PRAMEF20: variants seen among roughly 807,000 people sequenced by gnomAD.
PRAMEF20 encodes PRAME family member 20/21.
PRAMEF20 carries 27 observed loss-of-function variants against 32.4 expected under a neutral mutation model. The ratio of observed to expected loss-of-function variants is 0.83; its 90% CI spans 0.61 to 1.15. The LOEUF is 1.15. Among genes scored for constraint, PRAMEF20 ranks in the 50% most tolerant of loss-of-function variants. The pLI, the probability that PRAMEF20 is intolerant of heterozygous loss-of-function variation, is 0.00. For synonymous variants in PRAMEF20, 256 were observed against 235.4 expected (o/e 1.09, Z -0.80); for missense variants, 604 against 584.5 (o/e 1.03, Z -0.34).
chr1:13,418,839 T>G, intron 2 of PRAMEF20, 139 bp downstream of exon 3: 13 of 1,481,640 alleles, frequency 8.8e-6, no homozygotes, highest in Non-Finnish European at 1.2e-5. Context: ...CTGTTGGAAG[T>G]GGGTATCACA....
intron 1 of PRAMEF20, among the ~76,000 whole-genome samples, chr1:13,417,910 T>A (rs1034520418): frequency 8.1e-6 from 1 of 124,218 alleles, no homozygotes; most frequent in South Asian, 2.8e-4. Context: ...CCCGGCTAAT[T>A]TGTGTGTGTG....
chr1:13,420,711 CGT>C lies in PRAMEF20; in HGVS notation c.882_883del (p.Leu295LysfsTer7). ...TCTCTCCCCAGCTGTCTAAAGACCT[CGT>C]TAAACATCCTCGCAATAACTAACTG... On this transcript the variant is annotated frameshift_variant, in exon 3 of 3. Coordinates refer to ENST00000602960, the Ensembl canonical transcript of PRAMEF20. LOFTEE classifies it high-confidence loss of function. 1.9e-6 allele frequency: 3 copies of C among 1,613,880 alleles called. No individual in the cohort carries two copies. The highest frequency in any genetic ancestry group is 1.7e-6 in the Non-Finnish European group (2 of 1,179,846).
upstream of PRAMEF20, among the ~76,000 whole-genome samples, chr1:13,411,656 T>G (rs993003554): frequency 6.6e-5 from 10 of 152,158 alleles, 1 homozygote; most frequent in Non-Finnish European, 1.0e-4. Flanking sequence ...AGAGGCTTTG[T>G]TTGGGATGCC....
chr1:13,418,829 C>T, intron 2 of PRAMEF20, 129 bp downstream of exon 3: 1 of 1,526,840 alleles, frequency 6.5e-7, no homozygotes. Context: ...GTGCATTTTC[C>T]TGTTGGAAGT....
chr1:13,418,684 C>A (rs1376399414), exon 2 of PRAMEF20: 17 of 1,613,634 alleles, frequency 1.1e-5, no homozygotes, highest in Non-Finnish European at 1.4e-5. Context: ...CGAAGGCCAC[C>A]TGGACCAGAT....
intron 1 of PRAMEF20, among the ~76,000 whole-genome samples, 168 bp from the exon 3 acceptor site, chr1:13,417,954 T>TGTGTGTGTGTGTGTGTG (rs1641199873): frequency 1.8e-5 from 1 of 55,718 alleles, no homozygotes; most frequent in South Asian, 4.8e-4. Flanking sequence ...GTGTGTGTGT[T>TGTGTGTGTGTGTGTGTG]TAGTAGAGAC....
At chr1:13,412,938 C>CA (rs888067347), upstream of PRAMEF20, among the ~76,000 whole-genome samples, 5 of 151,788 alleles carry the variant, frequency 3.3e-5, no homozygotes, top group African/African-American at 9.7e-5. Flanking sequence ...CCTGCAACAC[C>CA]AAAAAAAATT....
exon 1 of PRAMEF20, chr1:13,416,554 G>A (rs774213025): frequency 3.7e-6 from 6 of 1,614,126 alleles, no homozygotes; most frequent in Non-Finnish European, 5.1e-6. Context: ...CTTCCTCTGG[G>A]GTCTCTGATG....
At chr1:13,416,044 G>A (rs1366442297), upstream of PRAMEF20, among the ~76,000 whole-genome samples, 1 of 152,156 alleles carries the variant, frequency 6.6e-6, no homozygotes, top group African/African-American at 2.4e-5. Flanking sequence ...TTCCCCCAAA[G>A]GTGGGAGGGA....
At position 13,416,653 on chromosome 1, in the gene PRAMEF20, C is replaced by T. The variant is rs759907076; in HGVS notation, c.287+12C>T. The stretch of plus-strand genomic sequence containing the variant: ...AGGGTTCGTCTCAGGTGAGGTGGCC[C>T]AAGTGGGCTGGTGGGGAGGGCCCAG... On this transcript the variant is annotated intron_variant, in intron 1 of 2. Transcript: ENST00000602960. 6.2e-7 allele frequency: 1 copy of T among 1,613,984 alleles called. No homozygotes were observed. Among genetic ancestry groups the T allele is most frequent in the Non-Finnish European group, 8.5e-7 (1 of 1,179,952 alleles).
chr1:13,414,100 G>A (rs1311655467), upstream of PRAMEF20, among the ~76,000 whole-genome samples: 3 of 152,120 alleles, frequency 2.0e-5, no homozygotes, highest in African/African-American at 7.2e-5. Context: ...GGAGTGCAGT[G>A]GCATGATCTC....
chr1:13,417,909 T>TA (rs1491378228), intron 1 of PRAMEF20, among the ~76,000 whole-genome samples: 15 of 109,838 alleles, frequency 1.4e-4, no homozygotes, highest in South Asian at 1.0e-3. Flanking sequence ...GCCCGGCTAA[T>TA]TTGTGTGTGT....
intron 2 of PRAMEF20, 92 bp downstream of exon 3, chr1:13,418,792 A>G: frequency 6.3e-7 from 1 of 1,595,994 alleles, no homozygotes; most frequent in Admixed American, 1.7e-5. Context: ...ATGAGGATGT[A>G]ACAGTAAAGG....
At chr1:13,417,047 A>T (rs1641183049) in intron 1 of PRAMEF20, among the ~76,000 whole-genome samples, 1 of 152,188 alleles carries the variant, frequency 6.6e-6, no homozygotes, top group Non-Finnish European at 1.5e-5. Flanking sequence ...TCAAGAATGA[A>T]GCCACAGACC....
chr1:13,417,139 G>A (rs564139690), intron 1 of PRAMEF20, among the ~76,000 whole-genome samples: 391 of 152,274 alleles, frequency 2.6e-3, no homozygotes, highest in African/African-American at 9.0e-3. Context: ...AAGAGCAGAA[G>A]GACGAAGCTT....
At chr1:13,421,059 A>G in exon 3 of PRAMEF20, 2 of 1,613,844 alleles carry the variant, frequency 1.2e-6, no homozygotes, top group Admixed American at 1.7e-5. Context: ...TTATGCCTGG[A>G]GCTGTATCCT....
intron 1 of PRAMEF20, among the ~76,000 whole-genome samples, chr1:13,417,392 G>A (rs1350475964): frequency 6.6e-6 from 1 of 151,998 alleles, no homozygotes; most frequent in Non-Finnish European, 1.5e-5. Context: ...CTGGAGCCAG[G>A]AAGTCCAGCT....
chr1:13,420,843 T>C, exon 3 of PRAMEF20: 6 of 1,613,970 alleles, frequency 3.7e-6, no homozygotes, highest in Non-Finnish European at 4.2e-6. Context: ...TTCAGCCTTG[T>C]GCCGCTCCAA....
At chr1:13,417,910 T>TTGTGTGTGTGTGTG (rs71272484) in intron 1 of PRAMEF20, among the ~76,000 whole-genome samples, 1,502 of 124,204 alleles carry the variant, frequency 0.012, 24 homozygotes, top group South Asian at 0.014. Flanking sequence ...CCCGGCTAAT[T>TTGTGTGTGTGTGTG]TGTGTGTGTG....
Sources: gnomAD v4.1 joint callset for allele counts (sites outside exome capture counted in the v4.1 genomes callset) on GRCh38, gnomAD v4.1.1 for gene constraint, MANE v1.5 for transcripts, NCBI Gene and HGNC (gene_info 2026-07-23, HGNC 2026-07-21) for gene names.